Variants in RGS17 observed in about 807,000 individuals in gnomAD.
The protein encoded by RGS17 is regulator of G-protein signaling 17.
RGS17 carries 12 observed loss-of-function variants against 25.5 expected under a neutral mutation model. The observed-to-expected ratio is 0.47, with a 90% confidence interval of 0.30 to 0.76. RGS17 has a LOEUF of 0.76. Among genes scored for constraint, RGS17 ranks in the 30% least tolerant of loss-of-function variants. RGS17 has a pLI of 0.07. For missense variants in RGS17, 196 were observed against 242.2 expected, an observed-to-expected ratio of 0.81 and a Z score of 1.27; for synonymous variants, 71 against 76.9, an observed-to-expected ratio of 0.92 and a Z score of 0.40.
At chr6:153,072,456 A>G (rs1234843430) in intron 1 of RGS17, among the ~76,000 whole-genome samples, 1 of 152,218 alleles carries the variant, frequency 6.6e-6, no homozygotes, top group African/African-American at 2.4e-5. Context: ...AACTCTCGTA[A>G]CAAACCTATA....
chr6:153,044,986 T>A (rs1776370720), intron 1 of RGS17, among the ~76,000 whole-genome samples: 1 of 152,208 alleles, frequency 6.6e-6, no homozygotes, highest in African/African-American at 2.4e-5. Context: ...TGTATGTAAA[T>A]CATACACATA....
At chr6:153,119,947 T>C (rs1777602571) in intron 1 of RGS17, among the ~76,000 whole-genome samples, 1 of 152,216 alleles carries the variant, frequency 6.6e-6, no homozygotes, top group Admixed American at 6.5e-5. Context: ...AACACACATA[T>C]CTTCCAGGGA....
chr6:153,111,183 G>T (rs930074127), intron 1 of RGS17, among the ~76,000 whole-genome samples: 7 of 152,206 alleles, frequency 4.6e-5, no homozygotes, highest in Admixed American at 4.6e-4. Flanking sequence ...AGCAAGCTAA[G>T]CTCCACTGGC....
chr6:153,016,812 T>C (rs1444491964), intron 4 of RGS17, among the ~76,000 whole-genome samples: 3 of 152,248 alleles, frequency 2.0e-5, no homozygotes, highest in Admixed American at 6.5e-5. Flanking sequence ...TTGTTTCATC[T>C]TGTGCCATCT....
chr6:153,090,947 G>C (rs1394826998), intron 1 of RGS17, among the ~76,000 whole-genome samples: 1 of 152,074 alleles, frequency 6.6e-6, no homozygotes, highest in Admixed American at 6.6e-5. Flanking sequence ...TTTTCCTCTG[G>C]TGGCTTATGC....
At chr6:153,075,536 CG>C (rs1217172718) in intron 1 of RGS17, among the ~76,000 whole-genome samples, 1 of 152,136 alleles carries the variant, frequency 6.6e-6, no homozygotes, top group Non-Finnish European at 1.5e-5. Context: ...GTCACTGGCA[CG>C]GACTGCTGCA....
chr6:153,127,986 G>C (rs1777728032), intron 1 of RGS17, among the ~76,000 whole-genome samples: 1 of 152,192 alleles, frequency 6.6e-6, no homozygotes, highest in African/African-American at 2.4e-5. Context: ...TCGTCTAAAT[G>C]AATTTCTTTG....
chr6:153,053,993 T>TATATACATATATACGTATATATGTATATA, intron 1 of RGS17, among the ~76,000 whole-genome samples: 1 of 63,248 alleles, frequency 1.6e-5, no homozygotes, highest in African/African-American at 9.0e-5. Flanking sequence ...ATGTATATAA[T>TATATACATATATACGTATATATGTATATA]ATATATACAT....
chr6:153,124,773 T>C (rs1271177305), intron 1 of RGS17, among the ~76,000 whole-genome samples: 1 of 152,214 alleles, frequency 6.6e-6, no homozygotes, highest in African/African-American at 2.4e-5. Context: ...AATTAAATAA[T>C]ATGGATTGCT....
intron 1 of RGS17, among the ~76,000 whole-genome samples, chr6:153,106,306 T>C (rs986903551): frequency 6.6e-6 from 1 of 151,876 alleles, no homozygotes; most frequent in African/African-American, 2.4e-5. Context: ...GACTTTACCT[T>C]AGACCTTAAA....
intron 1 of RGS17, among the ~76,000 whole-genome samples, chr6:153,115,417 G>T (rs1212111438): frequency 1.3e-5 from 2 of 152,044 alleles, no homozygotes. Flanking sequence ...CACTGCTCAA[G>T]GAAATAAGAG....
At chr6:153,100,357 A>G (rs1183791925) in intron 1 of RGS17, among the ~76,000 whole-genome samples, 2 of 152,198 alleles carry the variant, frequency 1.3e-5, no homozygotes, top group African/African-American at 2.4e-5. Flanking sequence ...ATACTTGTTT[A>G]TATCCTGACA....
At chr6:153,117,289 C>T (rs1363538581) in intron 1 of RGS17, among the ~76,000 whole-genome samples, 1 of 152,020 alleles carries the variant, frequency 6.6e-6, no homozygotes, top group East Asian at 1.9e-4. Context: ...AAACCATTAG[C>T]TCTTGTGAGA....
chr6:153,015,139 G>A (rs549671714), intron 4 of RGS17, among the ~76,000 whole-genome samples: 12 of 152,274 alleles, frequency 7.9e-5, no homozygotes, highest in African/African-American at 2.9e-4. Flanking sequence ...AAGAATAGGG[G>A]CTTGCTTCTT....
intron 1 of RGS17, among the ~76,000 whole-genome samples, chr6:153,079,464 C>T (rs909162434): frequency 2.0e-5 from 3 of 152,210 alleles, no homozygotes; most frequent in Admixed American, 6.5e-5. Context: ...GTCATAAATG[C>T]TAACAGATTG....
At chr6:153,047,668 G>A (rs1156231858) in intron 1 of RGS17, among the ~76,000 whole-genome samples, 1 of 152,154 alleles carries the variant, frequency 6.6e-6, no homozygotes, top group Non-Finnish European at 1.5e-5. Context: ...CCCACCATGT[G>A]AGGATACAGA....
chr6:153,116,718 T>C (rs1005535052), intron 1 of RGS17, among the ~76,000 whole-genome samples: 19 of 152,106 alleles, frequency 1.2e-4, no homozygotes, highest in African/African-American at 4.3e-4. Flanking sequence ...ATGTGGCATA[T>C]ATACACCATG....
intron 1 of RGS17, among the ~76,000 whole-genome samples, chr6:153,065,918 G>T (rs78742751): frequency 0.014 from 2,120 of 151,790 alleles, 28 homozygotes; most frequent in Non-Finnish European, 0.023. Flanking sequence ...TAGAAGAAAA[G>T]AAATAATAAA....
intron 1 of RGS17, among the ~76,000 whole-genome samples, chr6:153,124,434 G>T (rs1195222958): frequency 6.6e-6 from 1 of 152,016 alleles, no homozygotes; most frequent in Non-Finnish European, 1.5e-5. Flanking sequence ...ACAAATACTG[G>T]CACGAAATTA....
Sources: gnomAD v4.1 joint callset for allele counts (sites outside exome capture counted in the v4.1 genomes callset) on GRCh38, gnomAD v4.1.1 for gene constraint, MANE v1.5 for transcripts, NCBI Gene and HGNC (gene_info 2026-07-23, HGNC 2026-07-21) for gene names.